Variants in CELF2 observed in about 807,000 individuals in gnomAD.
CELF2 encodes the protein CUGBP Elav-like family member 2.
Under a neutral mutation model 62.6 loss-of-function variants are expected in CELF2, and 8 were observed. The observed-to-expected ratio is 0.13, with a 90% CI of 0.07 to 0.23. The LOEUF is 0.23. Ranked by LOEUF, CELF2 falls within the 10% of genes least tolerant of loss-of-function variation. The probability of loss-of-function intolerance (pLI) is 1.00; values close to 1 mark genes in which losing one functional copy is unlikely to be tolerated. For synonymous variants in CELF2, 258 were observed against 250.0 expected (o/e 1.03, Z -0.30); for missense variants, 333 against 671.0 (o/e 0.50, Z 5.56).
At chr10:10,932,048 G>A (rs1197137822) in intron 2 of CELF2, among the ~76,000 whole-genome samples, 2 of 152,098 alleles carry the variant, frequency 1.3e-5, no homozygotes, top group Admixed American at 6.6e-5. Flanking sequence ...CCCTCCCACA[G>A]TGTGTGGGAA....
chr10:10,763,597 A>T, the CELF2 span, among the ~76,000 whole-genome samples: 1 of 152,248 alleles, frequency 6.6e-6, no homozygotes, highest in Non-Finnish European at 1.5e-5. Context: ...CCAACATATA[A>T]ACCATGTCTC....
At chr10:10,560,995 A>G in the CELF2 span, among the ~76,000 whole-genome samples, 1 of 148,332 alleles carries the variant, frequency 6.7e-6, no homozygotes, top group Non-Finnish European at 1.5e-5. Context: ...GAATGATACA[A>G]TGGACTTTGG....
intron 1 of CELF2, among the ~76,000 whole-genome samples, chr10:10,872,413 A>G (rs2060808228): frequency 6.6e-6 from 1 of 152,236 alleles, no homozygotes; most frequent in African/African-American, 2.4e-5. Context: ...CAAAGAAACG[A>G]TGTTCTACTG....
intron 2 of CELF2, among the ~76,000 whole-genome samples, chr10:11,195,418 C>G (rs1255610353): frequency 6.6e-6 from 1 of 152,174 alleles, no homozygotes; most frequent in Non-Finnish European, 1.5e-5. Flanking sequence ...TCCTTGAAGC[C>G]AGACTTAGGT....
chr10:10,783,272 C>T, the CELF2 span, among the ~76,000 whole-genome samples: 1 of 152,090 alleles, frequency 6.6e-6, no homozygotes, highest in South Asian at 2.1e-4. Flanking sequence ...AGGGAGAGCC[C>T]TAATCCGGTA....
chr10:10,635,533 G>A, the CELF2 span, among the ~76,000 whole-genome samples: 2 of 152,066 alleles, frequency 1.3e-5, no homozygotes, highest in Non-Finnish European at 2.9e-5. Flanking sequence ...CTTGGGTAGG[G>A]GGTGGCTATC....
chr10:11,272,033 C>G (rs1408008476), intron 7 of CELF2, among the ~76,000 whole-genome samples: 1 of 152,234 alleles, frequency 6.6e-6, no homozygotes, highest in Non-Finnish European at 1.5e-5. Context: ...CCGGGTGCTG[C>G]TGCGGGTCAC....
chr10:11,286,174 G>T (rs2091247019), intron 8 of CELF2, among the ~76,000 whole-genome samples: 1 of 152,204 alleles, frequency 6.6e-6, no homozygotes, highest in South Asian at 2.1e-4. Flanking sequence ...TCATGTCTCT[G>T]ACCCAAGTGG....
At chr10:10,633,036 C>T in the CELF2 span, among the ~76,000 whole-genome samples, 2 of 152,128 alleles carry the variant, frequency 1.3e-5, no homozygotes, top group African/African-American at 2.4e-5. Flanking sequence ...CCATACCTTT[C>T]CTTAAACCAG....
intron 2 of CELF2, among the ~76,000 whole-genome samples, chr10:10,955,350 A>G (rs201074): frequency 0.72 from 109,931 of 152,210 alleles, 41,263 homozygotes; most frequent in African/African-American, 0.92. Flanking sequence ...TTGATGACTG[A>G]TGTTTTCACC....
intron 1 of CELF2, among the ~76,000 whole-genome samples, chr10:10,914,285 A>G (rs758380188): frequency 6.6e-6 from 1 of 152,102 alleles, no homozygotes; most frequent in Non-Finnish European, 1.5e-5. Context: ...AATTTTGGAA[A>G]CTGGCAGAGG....
At chr10:10,523,641 C>A in the CELF2 span, among the ~76,000 whole-genome samples, 1 of 152,038 alleles carries the variant, frequency 6.6e-6, no homozygotes, top group Non-Finnish European at 1.5e-5. Flanking sequence ...CATCATGAAT[C>A]CTTTCAAATT....
chr10:10,753,227 A>G, the CELF2 span, among the ~76,000 whole-genome samples: 1 of 151,952 alleles, frequency 6.6e-6, no homozygotes, highest in Non-Finnish European at 1.5e-5. Flanking sequence ...TAGAAAGTTT[A>G]TGTCTCTTTA....
chr10:10,797,044 A>AC, upstream of CELF2: 1 of 258,754 alleles, frequency 3.9e-6, no homozygotes, highest in African/African-American at 2.3e-5. Flanking sequence ...GTTAAGATCC[A>AC]CGGGTCCATG....
chr10:11,275,024 G>A (rs2244573), intron 7 of CELF2, 33 bp from the exon 8 acceptor site: 967,440 of 1,605,738 alleles, frequency 0.6, 300,678 homozygotes, highest in Non-Finnish European at 0.65. Context: ...TGCTCTCACC[G>A]TCTCCACTTT....
At chr10:11,101,342 T>C (rs964491230) in intron 1 of CELF2, among the ~76,000 whole-genome samples, 5 of 152,176 alleles carry the variant, frequency 3.3e-5, no homozygotes, top group Admixed American at 2.0e-4. Flanking sequence ...AAGGTCTTGG[T>C]TGAACATGTA....
chr10:10,526,641 T>A, the CELF2 span, among the ~76,000 whole-genome samples: 12 of 152,172 alleles, frequency 7.9e-5, no homozygotes, highest in Admixed American at 7.9e-4. Flanking sequence ...TCATGCCCAT[T>A]CTGAGCTCAT....
chr10:11,082,528 T>C (rs1434443429), intron 1 of CELF2, among the ~76,000 whole-genome samples: 1 of 152,208 alleles, frequency 6.6e-6, no homozygotes. Flanking sequence ...GATCCTACTT[T>C]GCTCTGAATA....
chr10:10,870,757 G>A (rs1055681087), intron 1 of CELF2, among the ~76,000 whole-genome samples: 2 of 152,106 alleles, frequency 1.3e-5, no homozygotes, highest in African/African-American at 4.8e-5. Context: ...AGCCTTCTGC[G>A]GTCAGGCATG....
Sources: allele counts gnomAD v4.1 joint callset (sites outside exome capture counted in the v4.1 genomes callset), GRCh38; gene constraint gnomAD v4.1.1; transcripts MANE v1.5; gene names NCBI Gene and HGNC (gene_info 2026-07-23, HGNC 2026-07-21).